The following EFNA5 variants were observed in gnomAD, a reference collection of about 807,000 sequenced individuals.
The protein encoded by EFNA5 is ephrin A5, also known as ephrin-A5.
A neutral mutation model predicts 22.9 loss-of-function variants in EFNA5; 5 were observed. The ratio of observed to expected loss-of-function variants is 0.22; its 90% CI spans 0.11 to 0.46. The LOEUF (loss-of-function observed/expected upper bound fraction) is 0.46, where lower values mean the gene tolerates loss of function less well. Ranked by LOEUF, EFNA5 falls within the 20% of genes least tolerant of loss-of-function variation. The probability of loss-of-function intolerance (pLI) is 0.99; values close to 1 mark genes in which losing one functional copy is unlikely to be tolerated. For synonymous variants in EFNA5, 113 were observed against 112.2 expected (o/e 1.01, Z -0.04); for missense variants, 237 against 293.3 (o/e 0.81, Z 1.40).
intron 1 of EFNA5, among the ~76,000 whole-genome samples, chr5:107,540,724 T>C (rs163891): frequency 1.3e-5 from 2 of 152,188 alleles, no homozygotes; most frequent in African/African-American, 4.8e-5. Flanking sequence ...ATCTTAAAAA[T>C]GTTCACAGAT....
At chr5:107,547,172 G>A (rs1278433737) in intron 1 of EFNA5, among the ~76,000 whole-genome samples, 1 of 152,160 alleles carries the variant, frequency 6.6e-6, no homozygotes, top group Non-Finnish European at 1.5e-5. Context: ...TGGATACACT[G>A]TACCATTGGC....
intron 2 of EFNA5, among the ~76,000 whole-genome samples, chr5:107,407,277 A>G (rs1748250388): frequency 6.6e-6 from 1 of 152,242 alleles, no homozygotes; most frequent in Non-Finnish European, 1.5e-5. Flanking sequence ...TAGCCCGAAA[A>G]CGTCTAAGGA....
At chr5:107,540,138 G>T (rs1748015260) in intron 1 of EFNA5, among the ~76,000 whole-genome samples, 1 of 151,908 alleles carries the variant, frequency 6.6e-6, no homozygotes, top group African/African-American at 2.4e-5. Flanking sequence ...CTATCCTGGG[G>T]GTGAAGAGGG....
chr5:107,491,487 T>C (rs1234771656), intron 1 of EFNA5, among the ~76,000 whole-genome samples: 1 of 152,154 alleles, frequency 6.6e-6, no homozygotes, highest in African/African-American at 2.4e-5. Context: ...ACTTTTTGTA[T>C]TTTTAGTAGA....
chr5:107,447,667 C>T (rs1275071755), intron 1 of EFNA5, among the ~76,000 whole-genome samples: 1 of 152,096 alleles, frequency 6.6e-6, no homozygotes, highest in Non-Finnish European at 1.5e-5. Flanking sequence ...ACAGAAGAGC[C>T]AGCACTTGCA....
Position 107,639,187 on chromosome 5 carries a change from A to T in EFNA5, c.125+31302T>A, listed in dbSNP as rs1318752356. Among the ~76,000 whole-genome samples, 10 of 152,236 alleles carry T rather than the reference A, an allele frequency of 6.6e-5. 1 individual carries two copies. The highest frequency in any genetic ancestry group is 6.5e-4 in the Admixed American group (10 of 15,274). On this transcript the variant is annotated intron_variant, in intron 1 of 4. Transcript: ENST00000333274. The stretch of plus-strand genomic sequence containing the variant: ...AATAACCTACATAAGTTAGAATTTT[A>T]AAATGGGGGGTTATTATTTACATTT...
At chr5:107,664,018 A>G (rs1224785488) in intron 1 of EFNA5, among the ~76,000 whole-genome samples, 3 of 152,150 alleles carry the variant, frequency 2.0e-5, no homozygotes, top group Non-Finnish European at 4.4e-5. Flanking sequence ...ACTGTCTCTC[A>G]GCAACTAGCT....
chr5:107,563,194 G>C (rs1217750488), intron 1 of EFNA5, among the ~76,000 whole-genome samples: 1 of 152,142 alleles, frequency 6.6e-6, no homozygotes, highest in Non-Finnish European at 1.5e-5. Context: ...CCTTTAAAGA[G>C]AGATCACTCT....
At chr5:107,439,543 C>A (rs1749202040) in intron 1 of EFNA5, among the ~76,000 whole-genome samples, 1 of 152,024 alleles carries the variant, frequency 6.6e-6, no homozygotes, top group South Asian at 2.1e-4. Flanking sequence ...AGGAAGGGAG[C>A]AAGGGGGAAG....
chr5:107,466,184 T>C (rs887321658), intron 1 of EFNA5, among the ~76,000 whole-genome samples: 3 of 152,190 alleles, frequency 2.0e-5, no homozygotes, highest in African/African-American at 7.2e-5. Context: ...AGTCTGCCAC[T>C]GCACTGCCAA....
chr5:107,534,619 C>A (rs936867426), intron 1 of EFNA5, among the ~76,000 whole-genome samples: 2 of 152,120 alleles, frequency 1.3e-5, no homozygotes, highest in Non-Finnish European at 2.9e-5. Context: ...CATATTATGT[C>A]TGCTTTGTGA....
At chr5:107,484,695 G>C (rs757816659) in intron 1 of EFNA5, among the ~76,000 whole-genome samples, 1 of 152,166 alleles carries the variant, frequency 6.6e-6, no homozygotes, top group Non-Finnish European at 1.5e-5. Context: ...AATTAAATAG[G>C]ATGGTGGTGA....
At chr5:107,574,466 T>C (rs1242906329) in intron 1 of EFNA5, among the ~76,000 whole-genome samples, 1 of 152,206 alleles carries the variant, frequency 6.6e-6, no homozygotes, top group Non-Finnish European at 1.5e-5. Flanking sequence ...ACATAAGGGA[T>C]GTGACCTGGT....
At chr5:107,571,568 A>G (rs1197635634) in intron 1 of EFNA5, among the ~76,000 whole-genome samples, 1 of 151,274 alleles carries the variant, frequency 6.6e-6, no homozygotes, top group African/African-American at 2.4e-5. Context: ...ATAAAATGCT[A>G]ATGGCATAGG....
chr5:107,516,676 G>C (rs929639934), intron 1 of EFNA5, among the ~76,000 whole-genome samples: 15 of 152,188 alleles, frequency 9.9e-5, no homozygotes, highest in African/African-American at 3.4e-4. Flanking sequence ...GGAAGCTTAT[G>C]ATGATGGTGA....
chr5:107,484,909 A>C (rs147230), intron 1 of EFNA5, among the ~76,000 whole-genome samples: 39,224 of 151,330 alleles, frequency 0.26, 5,319 homozygotes, highest in African/African-American at 0.35. Flanking sequence ...TAAAGGTACC[A>C]CAAAAAACAA....
At chr5:107,419,885 C>A (rs981187524) in intron 2 of EFNA5, among the ~76,000 whole-genome samples, 3 of 152,110 alleles carry the variant, frequency 2.0e-5, no homozygotes, top group Non-Finnish European at 2.9e-5. Flanking sequence ...CACACTGAAG[C>A]AAATATCGAG....
chr5:107,474,535 T>C (rs1236384759), intron 1 of EFNA5, among the ~76,000 whole-genome samples: 4 of 152,070 alleles, frequency 2.6e-5, no homozygotes, highest in Non-Finnish European at 4.4e-5. Flanking sequence ...ACTAATACAA[T>C]ACAGGGAGGT....
In EFNA5 at chr5:107,381,238, G is replaced by C. The variant is rs1219438176; in HGVS notation, c.*17C>G. The C allele has an allele frequency of 3.1e-6, 5 of 1,609,130 alleles. No homozygotes were observed. Among genetic ancestry groups the C allele is most frequent in the Non-Finnish European group, 4.3e-6 (5 of 1,176,080 alleles). On this transcript the variant is annotated 3_prime_UTR_variant, in exon 5 of 5. Coordinates refer to ENST00000333274, the MANE Select transcript of EFNA5 (RefSeq NM_001962.3). ...GACCCTGATGTTTTCTGTGACAAGT[G>C]ATGGGAGGAGACTGTGCTATAATGT...
Sources: allele counts gnomAD v4.1 joint callset (sites outside exome capture counted in the v4.1 genomes callset), GRCh38; gene constraint gnomAD v4.1.1; transcripts MANE v1.5; gene names NCBI Gene and HGNC (gene_info 2026-07-23, HGNC 2026-07-21).